Variants in ADAMTS2 observed in about 807,000 individuals in gnomAD.
ADAMTS2 encodes ADAM metallopeptidase with thrombospondin type 1 motif 2, also known as A disintegrin and metalloproteinase with thrombospondin motifs 2.
A neutral mutation model predicts 123.0 loss-of-function variants in ADAMTS2; 50 were observed. The observed-to-expected ratio is 0.41, with a 90% CI of 0.32 to 0.51. ADAMTS2 has a LOEUF of 0.51. ADAMTS2 is among the 20% of genes least tolerant of loss of function. ADAMTS2 has a pLI of 0.35. For synonymous variants in ADAMTS2, 678 were observed against 695.4 expected (o/e 0.98, Z 0.39); for missense variants, 1,494 against 1,705.2 (o/e 0.88, Z 2.18).
At chr5:179,297,115 A>G (rs1435342086) in intron 2 of ADAMTS2, among the ~76,000 whole-genome samples, 1 of 152,148 alleles carries the variant, frequency 6.6e-6, no homozygotes, top group African/African-American at 2.4e-5. Flanking sequence ...CCATGGTTAG[A>G]AACACAAGTG....
At chr5:179,166,329 A>G (rs1763696418) in intron 5 of ADAMTS2, among the ~76,000 whole-genome samples, 1 of 152,150 alleles carries the variant, frequency 6.6e-6, no homozygotes, top group Non-Finnish European at 1.5e-5. Context: ...AAAGGGTCTG[A>G]GGACATGCCT....
chr5:179,138,630 A>G (rs537989249), intron 11 of ADAMTS2, among the ~76,000 whole-genome samples: 1 of 152,318 alleles, frequency 6.6e-6, no homozygotes, highest in Non-Finnish European at 1.5e-5. Context: ...AGGAGGGGCC[A>G]CGGGGCTCCC....
At chr5:179,279,794 T>C (rs1428393463) in intron 2 of ADAMTS2, among the ~76,000 whole-genome samples, 6 of 152,220 alleles carry the variant, frequency 3.9e-5, no homozygotes, top group Admixed American at 3.9e-4. Context: ...AGCCACTCGG[T>C]CCTCACCACT....
chr5:179,145,837 T>A (rs1428145423), intron 10 of ADAMTS2, among the ~76,000 whole-genome samples: 1 of 152,204 alleles, frequency 6.6e-6, no homozygotes, highest in Admixed American at 6.5e-5. Flanking sequence ...ATCACTGAAT[T>A]GTACACTCTC....
Position 179,332,082 on chromosome 5 carries a change from C to T in ADAMTS2, c.534+11685G>A, listed in dbSNP as rs906946007. Among the ~76,000 whole-genome samples, 2 of 152,222 alleles carry T rather than the reference C, an allele frequency of 1.3e-5. No individual in the cohort carries two copies. The highest frequency in any genetic ancestry group is 4.8e-5 in the African/African-American group (2 of 41,464). The stretch of plus-strand genomic sequence containing the variant: ...TCTGTAATTTGCTATTAGGTTGGTG[C>T]AAAAGTAACTGTGACCTTGGAATCA... On this transcript the variant is annotated intron_variant, in intron 2 of 21. Transcript: ENST00000251582. This position sits in a 1 kb window ranked among gnomAD's most constrained non-coding sequence, Gnocchi z 4.2.
intron 4 of ADAMTS2, among the ~76,000 whole-genome samples, chr5:179,201,725 T>G (rs1299416382): frequency 6.6e-6 from 1 of 150,696 alleles, no homozygotes; most frequent in Non-Finnish European, 1.5e-5. Flanking sequence ...TCGTTTGAAC[T>G]CGGGAGGAAG....
chr5:179,202,764 G>A lies in ADAMTS2; in HGVS notation c.891+4749C>T, dbSNP rs189655671. On this transcript the variant is annotated intron_variant, in intron 4 of 21. Transcript: ENST00000251582. The surrounding 1 kb of genome is among the most constrained non-coding windows in gnomAD (Gnocchi z 4.0). Reference sequence around the variant, plus strand: ...GGCGCGGGGTGGGTCGGGAGGGCCCGAGCCTATGTTGCAGCTGTACCTACT... The same window carrying A: ...GGCGCGGGGTGGGTCGGGAGGGCCCAAGCCTATGTTGCAGCTGTACCTACT... Among the ~76,000 whole-genome samples the A allele has an allele frequency of 1.0e-3, 159 of 152,276 alleles. No homozygotes were observed. The highest frequency in any genetic ancestry group is 3.4e-3 in the African/African-American group (142 of 41,564).
intron 2 of ADAMTS2, among the ~76,000 whole-genome samples, chr5:179,284,320 C>G (rs1292223298): frequency 6.6e-6 from 1 of 151,888 alleles, no homozygotes; most frequent in East Asian, 1.9e-4. Context: ...CAGAGTGAGA[C>G]TCCATCTCAA....
chr5:179,274,310 C>G (rs747439483), intron 2 of ADAMTS2, among the ~76,000 whole-genome samples: 5 of 152,222 alleles, frequency 3.3e-5, no homozygotes, highest in Admixed American at 6.5e-5. Context: ...GCTTATGACC[C>G]ATGCAGGGGA....
At position 179,345,240 on chromosome 5, in the gene ADAMTS2, G is replaced by GGCGGCAGGAGCGGCGGCGGCAGCAGCA; in HGVS notation, c.62_88dup (p.Leu21_Pro29dup). 2 of 1,146,816 alleles carry GGCGGCAGGAGCGGCGGCGGCAGCAGCA rather than the reference G, an allele frequency of 1.7e-6. No homozygotes were observed. The highest frequency in any genetic ancestry group is 9.8e-5 in the Admixed American group (2 of 20,414). The allele number at this position is 1,146,816 out of a possible 1,614,324, so 71.0% of individuals were successfully genotyped here. On this transcript the variant is annotated inframe_insertion, in exon 1 of 22. Coordinates refer to ENST00000251582, the MANE Select transcript of ADAMTS2 (RefSeq NM_014244.5). The surrounding 1 kb of genome is among the most constrained non-coding windows in gnomAD (Gnocchi z 7.5). ...CCTGGCGTTCGCGGGCGGCGGCGGC[G>GGCGGCAGGAGCGGCGGCGGCAGCAGCA]GCGGCAGGAGCGGCGGCGGCAGCAG...
At chr5:179,149,091 G>A (rs530110530) in intron 10 of ADAMTS2, among the ~76,000 whole-genome samples, 1 of 152,206 alleles carries the variant, frequency 6.6e-6, no homozygotes, top group East Asian at 1.9e-4. Flanking sequence ...GGTTGCAGGC[G>A]AGGAGGGGCC....
rs1203995805 is a variant in ADAMTS2, at chr5:179,115,416, C to T, written c.3179-1092G>A. ...AGAATAAGTCATGTTACAGGAGATA[C>T]TTGATCCAGTATAAATTCCGAATCA... is the stretch of plus-strand genomic sequence containing the variant. On this transcript the variant is annotated intron_variant, in intron 21 of 21. Transcript: ENST00000251582. This position sits in a 1 kb window ranked among gnomAD's most constrained non-coding sequence, Gnocchi z 4.4. 6.6e-6 allele frequency among the ~76,000 whole-genome samples: 1 copy of T among 152,182 alleles called. No individual in the cohort carries two copies. The highest frequency in any genetic ancestry group is 2.4e-5 in the African/African-American group (1 of 41,432).
In ADAMTS2 at chr5:179,113,977, G is replaced by A. The variant is rs747739623; in HGVS notation, c.3526C>T (p.Pro1176Ser). ...GGTCGTCGAGGGATTAGGTTGGGTGGCTGGACTTCATCTTCCAGGCCATGG... is the reference window on the plus strand; with the variant it reads ...GGTCGTCGAGGGATTAGGTTGGGTGACTGGACTTCATCTTCCAGGCCATGG... Reference protein sequence around the residue: ...KIHGLEDEVQPPNLIPRRPSP... With the variant: ...KIHGLEDEVQSPNLIPRRPSP... Residue 1176 changes from proline (P) to serine (S), a missense_variant, in exon 22 of 22, where the codon CCA becomes TCA. Pro to Ser is a moderately conservative substitution (Grantham distance 74). Around this residue, in one of 6 missense-constraint regions of ADAMTS2, gnomAD observed 953 missense variants for 1,124.7 expected, o/e 0.85. Transcript: ENST00000251582. 3.7e-6 allele frequency: 6 copies of A among 1,614,072 alleles called. No individual in the cohort carries two copies. The highest frequency in any genetic ancestry group is 5.1e-6 in the Non-Finnish European group (6 of 1,179,998).
intron 5 of ADAMTS2, among the ~76,000 whole-genome samples, chr5:179,163,812 C>T (rs758655988): frequency 1.8e-4 from 28 of 152,356 alleles, no homozygotes; most frequent in Non-Finnish European, 2.5e-4. Flanking sequence ...CTGCCACTTT[C>T]GTTCTCCAAC....
Position 179,202,634 on chromosome 5 carries a change from G to A in ADAMTS2, c.891+4879C>T, listed in dbSNP as rs1265676707. Among the ~76,000 whole-genome samples, 2 of 152,068 alleles carry A rather than the reference G, an allele frequency of 1.3e-5. No individual in the cohort carries two copies. The highest frequency in any genetic ancestry group is 4.8e-5 in the African/African-American group (2 of 41,410). On this transcript the variant is annotated intron_variant, in intron 4 of 21. Coordinates refer to ENST00000251582, the MANE Select transcript of ADAMTS2 (RefSeq NM_014244.5). The surrounding 1 kb of genome is among the most constrained non-coding windows in gnomAD (Gnocchi z 4.0). ...ATAAACACCGGCCCCCGTATGAACG[G>A]CAGCCAGGGGCACCAGACAGAGGAG...
chr5:179,245,765 CAAAAAAAAAAAAA>C (rs1171837041), intron 3 of ADAMTS2, among the ~76,000 whole-genome samples: 4 of 17,210 alleles, frequency 2.3e-4, no homozygotes, highest in East Asian at 2.5e-3. Flanking sequence ...GACTCCGTCT[CAAAAAAAAAAAAA>C]AAAAAAAAAA....
chr5:179,135,889 G>A lies in ADAMTS2; in HGVS notation c.2085+20C>T. The A allele has an allele frequency of 6.2e-7, 1 of 1,612,668 alleles. No homozygotes were observed. Among genetic ancestry groups the A allele is most frequent in the Non-Finnish European group, 8.5e-7 (1 of 1,179,988 alleles). On this transcript the variant is annotated intron_variant, in intron 13 of 21. Transcript: ENST00000251582. ...GAGACTTGACACGGTAGCCCCCCGT[G>A]CCGGCCTCTGTGTACTCACCCTGCA...
chr5:179,116,008 G>A lies in ADAMTS2; in HGVS notation c.3179-1684C>T, dbSNP rs116387358. ...AAGCCCGAGACCCAACCCCTGCAGC[G>A]TGAGCTTAGGGCCTCTGCTGCCCAC... On this transcript the variant is annotated intron_variant, in intron 21 of 21. Transcript: ENST00000251582. Among the ~76,000 whole-genome samples the A allele has an allele frequency of 3.4e-3, 511 of 152,010 alleles. 3 individuals are homozygous for A. Among genetic ancestry groups the A allele is most frequent in the African/African-American group, 0.011 (448 of 41,464 alleles).
intron 2 of ADAMTS2, among the ~76,000 whole-genome samples, chr5:179,278,192 C>CG (rs1766798170): frequency 7.0e-6 from 1 of 142,994 alleles, no homozygotes; most frequent in African/African-American, 2.6e-5. Flanking sequence ...GCTGACCCCC[C>CG]CAAGACCATC....
Sources: allele counts gnomAD v4.1 joint callset (sites outside exome capture counted in the v4.1 genomes callset), GRCh38; gene constraint gnomAD v4.1.1; regional missense constraint gnomAD v4.1.1; non-coding constraint Gnocchi (gnomAD v3.1); transcripts MANE v1.5; gene names NCBI Gene and HGNC (gene_info 2026-07-23, HGNC 2026-07-21).